The following TMPRSS4 variants were observed in gnomAD, a reference collection of about 807,000 sequenced individuals.
TMPRSS4 encodes the protein transmembrane protease serine 4.
TMPRSS4 carries 45 observed loss-of-function variants against 56.4 expected under a neutral mutation model. The ratio of observed to expected loss-of-function variants is 0.80; its 90% confidence interval spans 0.63 to 1.02. TMPRSS4 has a LOEUF of 1.02. Among genes scored for constraint, TMPRSS4 ranks in the 50% least tolerant of loss-of-function variants. The pLI is 0.00. For missense variants in TMPRSS4, 546 were observed against 556.7 expected (o/e 0.98, Z 0.19); for synonymous variants, 205 against 211.0 (o/e 0.97, Z 0.25).
At chr11:118,117,500 T>G (rs761848979) in intron 12 of TMPRSS4, 46 bp downstream of exon 12, 1 of 1,574,218 alleles carries the variant, frequency 6.4e-7, no homozygotes, top group Non-Finnish European at 8.6e-7. Context: ...TCCAGTCCTC[T>G]ACCTGGGGGG....
Position 118,081,914 on chromosome 11 carries a change from T to A in TMPRSS4, c.3+4609T>A, listed in dbSNP as rs141474106. ...AGCAGGGGAGACTGCTTTCCCACAC[T>A]CCAGACAAAGCCTGACACTCACTCA... On this transcript the variant is annotated intron_variant, in intron 1 of 12. Coordinates refer to ENST00000437212, the MANE Select transcript of TMPRSS4 (RefSeq NM_019894.4). Among the ~76,000 whole-genome samples, 56 of 152,198 alleles carry A rather than the reference T, an allele frequency of 3.7e-4. No individual in the cohort carries two copies. In the East Asian group the frequency reaches 0.01, roughly 27 times the overall value.
At chr11:118,093,611 G>A (rs986231377) in intron 1 of TMPRSS4, among the ~76,000 whole-genome samples, 19 of 152,154 alleles carry the variant, frequency 1.2e-4, no homozygotes, top group African/African-American at 4.1e-4. Flanking sequence ...GTGTATTTGT[G>A]CACATGCGTC....
chr11:118,119,223 A>G lies in TMPRSS4; in HGVS notation c.*1310A>G, dbSNP rs1202356706. 8.1e-6 allele frequency: 8 copies of G among 985,316 alleles called. No individual in the cohort carries two copies. The Admixed American group carries it at 4.9e-4, about 61-fold the overall frequency. The allele number at this position is 985,316 out of a possible 1,614,324, so 61.0% of individuals were successfully genotyped here. The stretch of plus-strand genomic sequence containing the variant: ...GATGATCTGGGAGCAATACACTAAA[A>G]TCTTGGGTCGAGACCTATATGAAGG... On this transcript the variant is annotated 3_prime_UTR_variant, in exon 13 of 13. Coordinates refer to ENST00000437212, the MANE Select transcript of TMPRSS4 (RefSeq NM_019894.4).
At position 118,077,222 on chromosome 11, in the gene TMPRSS4, T is replaced by G; in HGVS notation, c.-81T>G. 1 of 1,546,516 alleles carries G rather than the reference T, an allele frequency of 6.5e-7. No homozygotes were observed. The highest frequency in any genetic ancestry group is 1.7e-4 in the Middle Eastern group (1 of 5,878). On this transcript the variant is annotated 5_prime_UTR_variant, in exon 1 of 13. Transcript: ENST00000437212. ...TGACCTGCTGGCCAGCCAGGACCTGTGTGGGGAGGCCCTCCTGCTGCCTTG... is the reference window on the plus strand; with the variant it reads ...TGACCTGCTGGCCAGCCAGGACCTGGGTGGGGAGGCCCTCCTGCTGCCTTG...
chr11:118,105,108 G>A (rs1049419268), intron 5 of TMPRSS4, among the ~76,000 whole-genome samples: 2 of 152,128 alleles, frequency 1.3e-5, no homozygotes, highest in South Asian at 2.1e-4. Context: ...CACTTCTAGC[G>A]TCTATGCAGT....
intron 1 of TMPRSS4, among the ~76,000 whole-genome samples, chr11:118,079,723 G>GGGGCTTGGCTGGGCTTGGCT (rs150700918): frequency 2.0e-5 from 3 of 151,650 alleles, no homozygotes; most frequent in African/African-American, 7.3e-5. Flanking sequence ...ACAGAGTCAA[G>GGGGCTTGGCTGGGCTTGGCT]GGGCTTGGCT....
chr11:118,104,537 A>G (rs1279826564), intron 4 of TMPRSS4, among the ~76,000 whole-genome samples, 154 bp from the exon 5 acceptor site: 5 of 152,206 alleles, frequency 3.3e-5, no homozygotes, highest in Non-Finnish European at 7.3e-5. Context: ...ACAAAGCCAA[A>G]TGGAAGAAAT....
chr11:118,100,475 C>G (rs1023888185), intron 3 of TMPRSS4, among the ~76,000 whole-genome samples: 1 of 152,172 alleles, frequency 6.6e-6, no homozygotes, highest in African/African-American at 2.4e-5. Flanking sequence ...GGAGGAGTGG[C>G]AGTCAGGGAC....
intron 1 of TMPRSS4, among the ~76,000 whole-genome samples, chr11:118,082,566 A>AAAGG (rs1565407948): frequency 6.7e-6 from 1 of 150,166 alleles, no homozygotes; most frequent in Admixed American, 6.6e-5. Context: ...GTCTCAAAAA[A>AAAGG]AAAGAAAGAA....
At chr11:118,091,036 T>A (rs1287825429) in intron 1 of TMPRSS4, among the ~76,000 whole-genome samples, 1 of 152,100 alleles carries the variant, frequency 6.6e-6, no homozygotes. Flanking sequence ...CAGGCATGCA[T>A]GCACAGGTAG....
chr11:118,108,883 C>T lies in TMPRSS4; in HGVS notation c.570C>T (p.Ser190=). 6.2e-7 allele frequency: 1 copy of T among 1,613,958 alleles called. No individual in the cohort carries two copies. Among genetic ancestry groups the T allele is most frequent in the Non-Finnish European group, 8.5e-7 (1 of 1,179,930 alleles). The stretch of plus-strand genomic sequence containing the variant: ...CCTGTCTCTCAGGCTCCCTGGTCTC[C>T]CTGCACTGTCTTGGTGAGTACCCCC... The part of the protein sequence containing the change: ...SGPCLSGSLV[S]LHCLACGKSL... Residue 190 remains serine (S), a synonymous_variant, in exon 7 of 13, where the codon TCC becomes TCT. Coordinates refer to ENST00000437212, the MANE Select transcript of TMPRSS4 (RefSeq NM_019894.4).
chr11:118,112,305 G>C (rs1018340261), intron 8 of TMPRSS4, among the ~76,000 whole-genome samples: 1 of 147,668 alleles, frequency 6.8e-6, no homozygotes, highest in Non-Finnish European at 1.5e-5. Flanking sequence ...AAAAATTAAA[G>C]AGCATAGGTT....
intron 3 of TMPRSS4, among the ~76,000 whole-genome samples, chr11:118,099,821 C>G (rs1946647345): frequency 6.6e-6 from 1 of 152,128 alleles, no homozygotes; most frequent in African/African-American, 2.4e-5. Flanking sequence ...ACCTGGCCCC[C>G]TTCAGCTTGG....
At chr11:118,114,759 A>T in intron 9 of TMPRSS4, 70 bp from the exon 10 acceptor site, 1 of 1,418,248 alleles carries the variant, frequency 7.1e-7, no homozygotes, top group African/African-American at 1.4e-5. Context: ...ATCATAAAGC[A>T]TCATAATTTA....
At chr11:118,080,586 G>A (rs575404738) in intron 1 of TMPRSS4, among the ~76,000 whole-genome samples, 167 of 152,246 alleles carry the variant, frequency 1.1e-3, no homozygotes, top group Middle Eastern at 6.8e-3. Flanking sequence ...TTCCCTCAGT[G>A]CAGCTGAGAA....
chr11:118,093,081 T>C (rs142751769), intron 1 of TMPRSS4, among the ~76,000 whole-genome samples: 1 of 152,338 alleles, frequency 6.6e-6, no homozygotes, highest in African/African-American at 2.4e-5. Context: ...CCAGGCTGTG[T>C]GCTACATCAC....
chr11:118,115,467 G>A, intron 11 of TMPRSS4, 187 bp downstream of exon 11: 1 of 646,622 alleles, frequency 1.5e-6, no homozygotes, highest in Non-Finnish European at 2.6e-6. Context: ...ATAGATGAGT[G>A]GGTGGATGGA....
At chr11:118,090,217 A>G (rs1177448288) in intron 1 of TMPRSS4, among the ~76,000 whole-genome samples, 1 of 152,198 alleles carries the variant, frequency 6.6e-6, no homozygotes, top group Non-Finnish European at 1.5e-5. Context: ...TGAATATACC[A>G]GTCAGGTTCG....
chr11:118,077,569 A>G (rs1441765192), intron 1 of TMPRSS4, among the ~76,000 whole-genome samples: 1 of 152,158 alleles, frequency 6.6e-6, no homozygotes, highest in South Asian at 2.1e-4. Context: ...CTTCCCGACT[A>G]TTCTTTCCTG....
Sources: allele counts gnomAD v4.1 joint callset (sites outside exome capture counted in the v4.1 genomes callset), GRCh38; gene constraint gnomAD v4.1.1; transcripts MANE v1.5; gene names NCBI Gene and HGNC (gene_info 2026-07-23, HGNC 2026-07-21).